The following GADL1 variants were observed in gnomAD, a reference collection of about 807,000 sequenced individuals.
GADL1 encodes GAD like acidic amino acid decarboxylase 1.
GADL1 carries 71 observed loss-of-function variants against 69.5 expected under a neutral mutation model. The ratio of observed to expected loss-of-function variants is 1.02; its 90% CI spans 0.84 to 1.25. The LOEUF (loss-of-function observed/expected upper bound fraction) is 1.25. GADL1 is among the 50% of genes most tolerant of loss of function. The pLI, the probability that GADL1 is intolerant of heterozygous loss-of-function variation, is 0.00. For synonymous variants in GADL1, 254 were observed against 214.4 expected (o/e 1.18, Z -1.62); for missense variants, 737 against 631.8 (o/e 1.17, Z -1.79).
intron 11 of GADL1, among the ~76,000 whole-genome samples, chr3:30,805,909 G>A (rs184944015): frequency 6.6e-6 from 1 of 151,750 alleles, no homozygotes; most frequent in Admixed American, 6.6e-5. Flanking sequence ...TCTTACGCAC[G>A]GTTCACAATA....
At chr3:30,764,761 G>GT (rs1421927849) in intron 14 of GADL1, among the ~76,000 whole-genome samples, 2 of 152,126 alleles carry the variant, frequency 1.3e-5, no homozygotes. Context: ...GTCCACCTCG[G>GT]TATACTTCAG....
chr3:30,780,783 T>G (rs1696649613), intron 13 of GADL1, among the ~76,000 whole-genome samples: 1 of 152,204 alleles, frequency 6.6e-6, no homozygotes, highest in Non-Finnish European at 1.5e-5. Context: ...ATTTGAAAGC[T>G]TATAAAGCCC....
chr3:30,883,356 T>A (rs2125545548), intron 1 of GADL1, among the ~76,000 whole-genome samples: 1 of 152,192 alleles, frequency 6.6e-6, no homozygotes, highest in South Asian at 2.1e-4. Context: ...AATCTTATTC[T>A]TTTGCATGTG....
At position 30,726,785 on chromosome 3, in the gene GADL1, T is replaced by G. The variant is rs550867961; in HGVS notation, c.*1457A>C. ...TTGGTGAACTCTACACCCACACCTA[T>G]GAATTCTGTCAATTTCTTAGTTAAA... On this transcript the variant is annotated 3_prime_UTR_variant, in exon 15 of 15. Transcript: ENST00000282538. 1.3e-5 allele frequency: 2 copies of G among 152,238 alleles called. No individual in the cohort carries two copies. The highest frequency in any genetic ancestry group is 2.1e-4 in the South Asian group (1 of 4,826). The allele number at this position is 152,238 out of a possible 1,614,324, so 9.4% of individuals were successfully genotyped here. A position where few individuals can be genotyped will look rare whatever the true frequency, so the allele number is the denominator to read the frequency against.
chr3:30,764,567 A>G (rs530668763), intron 14 of GADL1, among the ~76,000 whole-genome samples: 1 of 152,314 alleles, frequency 6.6e-6, no homozygotes, highest in Admixed American at 6.5e-5. Context: ...GCATTTTATT[A>G]GAGGAAATCA....
intron 14 of GADL1, among the ~76,000 whole-genome samples, chr3:30,736,712 T>G (rs554587553): frequency 6.6e-6 from 1 of 152,192 alleles, no homozygotes; most frequent in South Asian, 2.1e-4. Context: ...ATGCCATTAA[T>G]CTTCCATTTA....
At chr3:30,836,882 C>T (rs947922219) in intron 9 of GADL1, among the ~76,000 whole-genome samples, 1 of 152,064 alleles carries the variant, frequency 6.6e-6, no homozygotes, top group Non-Finnish European at 1.5e-5. Context: ...GAGAACAGTA[C>T]TGGAGTGAAA....
intron 14 of GADL1, among the ~76,000 whole-genome samples, chr3:30,732,460 G>A (rs528419757): frequency 1.1e-4 from 17 of 152,168 alleles, no homozygotes; most frequent in African/African-American, 4.1e-4. Flanking sequence ...ACATTTCTGT[G>A]GAATTTGTCT....
intron 12 of GADL1, chr3:30,798,672 G>A (rs1191097467): frequency 6.6e-6 from 1 of 152,088 alleles, no homozygotes; most frequent in Non-Finnish European, 1.5e-5. Context: ...GTCCCCTAAA[G>A]TCTTAACTCA....
intron 12 of GADL1, among the ~76,000 whole-genome samples, chr3:30,787,286 G>C (rs547058468): frequency 1.3e-5 from 2 of 152,310 alleles, no homozygotes; most frequent in East Asian, 3.9e-4. Flanking sequence ...TTGGGGGAAA[G>C]AGAATTGTCA....
intron 13 of GADL1, among the ~76,000 whole-genome samples, chr3:30,782,165 C>G (rs1299379161): frequency 6.6e-6 from 1 of 152,146 alleles, no homozygotes; most frequent in East Asian, 1.9e-4. Context: ...TACTTGGAAG[C>G]TTGGGCTTGA....
Position 30,785,209 on chromosome 3 carries a change from T to A in GADL1, c.1302+1146A>T, listed in dbSNP as rs143166841. Among the ~76,000 whole-genome samples, 81 of 152,270 alleles carry A rather than the reference T, an allele frequency of 5.3e-4. 1 individual carries two copies. In the East Asian group the frequency reaches 0.015, roughly 29 times the overall value. ...GTTTTATTGTTTTAAGACTACCTGA[T>A]TTCCCTGTTAATTAATTTGCTTAAT... On this transcript the variant is annotated intron_variant, in intron 13 of 14. Coordinates refer to ENST00000282538, the MANE Select transcript of GADL1 (RefSeq NM_207359.3).
intron 1 of GADL1, among the ~76,000 whole-genome samples, chr3:30,866,352 G>T (rs1698402487): frequency 6.6e-6 from 1 of 151,952 alleles, no homozygotes; most frequent in South Asian, 2.1e-4. Context: ...CCAGCTACTT[G>T]GGAGGCTAAG....
At chr3:30,785,814 T>C (rs1007840848) in intron 13 of GADL1, among the ~76,000 whole-genome samples, 1 of 143,084 alleles carries the variant, frequency 7.0e-6, no homozygotes, top group Non-Finnish European at 1.5e-5. Flanking sequence ...AAACCAGAAT[T>C]ACACATTAAA....
chr3:30,760,221 C>CT (rs1400954987), intron 14 of GADL1, among the ~76,000 whole-genome samples: 1 of 151,984 alleles, frequency 6.6e-6, no homozygotes, highest in East Asian at 1.9e-4. Flanking sequence ...GCACAATCAT[C>CT]TTCCTCGAGG....
chr3:30,877,872 G>A (rs1281773198), intron 1 of GADL1, among the ~76,000 whole-genome samples: 1 of 151,882 alleles, frequency 6.6e-6, no homozygotes, highest in Non-Finnish European at 1.5e-5. Context: ...TTTAACAGTG[G>A]CTTGCTGTCA....
chr3:30,846,079 CA>C (rs1698050301), intron 6 of GADL1, among the ~76,000 whole-genome samples: 1 of 148,950 alleles, frequency 6.7e-6, no homozygotes, highest in South Asian at 2.1e-4. Flanking sequence ...CAAAAAACTG[CA>C]AAACTGAAGT....
At chr3:30,833,471 A>C (rs1333127118) in intron 11 of GADL1, among the ~76,000 whole-genome samples, 1 of 152,020 alleles carries the variant, frequency 6.6e-6, no homozygotes, top group Non-Finnish European at 1.5e-5. Flanking sequence ...AATGTATGAC[A>C]CACATCTGTT....
chr3:30,827,893 T>C (rs928713768), intron 11 of GADL1, among the ~76,000 whole-genome samples: 4 of 151,904 alleles, frequency 2.6e-5, no homozygotes, highest in Non-Finnish European at 4.4e-5. Flanking sequence ...ATCTCTCTCC[T>C]ACAAGTCAAA....
Sources: allele counts gnomAD v4.1 joint callset (sites outside exome capture counted in the v4.1 genomes callset), GRCh38; gene constraint gnomAD v4.1.1; transcripts MANE v1.5; gene names NCBI Gene and HGNC (gene_info 2026-07-23, HGNC 2026-07-21).